Variants in ZNF484 observed in about 807,000 individuals in gnomAD.
ZNF484 encodes the protein zinc finger protein 484.
Under a neutral mutation model 12.9 loss-of-function variants are expected in ZNF484, and 11 were observed. That is an observed-to-expected ratio of 0.85 (90% CI 0.54 to 1.41). The LOEUF (loss-of-function observed/expected upper bound fraction) is 1.41, where lower values mean the gene tolerates loss of function less well. Ranked by LOEUF, ZNF484 falls within the 40% of genes most tolerant of loss-of-function variation. The pLI is 0.00. For missense variants in ZNF484, 807 were observed against 1,007.7 expected, an observed-to-expected ratio of 0.80 and a Z score of 2.70; for synonymous variants, 289 against 334.1, an observed-to-expected ratio of 0.86 and a Z score of 1.47.
At chr9:92,854,103 AAG>A (rs895914873) in intron 4 of ZNF484, among the ~76,000 whole-genome samples, 19 of 152,154 alleles carry the variant, frequency 1.2e-4, no homozygotes, top group African/African-American at 3.1e-4. Flanking sequence ...CCAGGAAAAA[AAG>A]AGAGAGAGAT....
At chr9:92,864,346 G>C (rs1856944644) in intron 2 of ZNF484, among the ~76,000 whole-genome samples, 1 of 151,998 alleles carries the variant, frequency 6.6e-6, no homozygotes, top group Admixed American at 6.6e-5. Context: ...TGCTGGCCTG[G>C]AACGCTGACT....
At position 92,846,830 on chromosome 9, in the gene ZNF484, TA is replaced by T; in HGVS notation, c.1956del (p.Phe652LeufsTer56). 6.2e-7 allele frequency: 1 copy of T among 1,614,068 alleles called. No homozygotes were observed. The highest frequency in any genetic ancestry group is 8.5e-7 in the Non-Finnish European group (1 of 1,180,004). ...TCTCCAGTGTGAATTTTCTGGTGTG[TA>T]AAGAGATTTGATCTGTCAGTAAAAG... Reference protein sequence around the residue: ...GKAFTDRSNLFTHQKIHTGEK... With the variant: ...GKAFTDRSNLXTHQKIHTGEK... On this transcript the variant is annotated frameshift_variant, in exon 5 of 5. Transcript: ENST00000375495. LOFTEE classifies it low-confidence loss of function (END_TRUNC).
chr9:92,855,490 A>C lies in ZNF484; in HGVS notation c.235+321T>G, dbSNP rs1434428126. ...GACCTTGATGGAGGTAGAAAGAATA[A>C]AACTTTTCTAGGGAAAGAGAGAAAA... On this transcript the variant is annotated intron_variant, in intron 4 of 4. Coordinates refer to ENST00000375495, the MANE Select transcript of ZNF484 (RefSeq NM_031486.4). Among the ~76,000 whole-genome samples, 3 of 152,206 alleles carry C rather than the reference A, an allele frequency of 2.0e-5. No homozygotes were observed. In the East Asian group the frequency reaches 5.8e-4, roughly 29 times the overall value.
At chr9:92,853,134 T>A (rs1856211186) in intron 4 of ZNF484, among the ~76,000 whole-genome samples, 1 of 152,062 alleles carries the variant, frequency 6.6e-6, no homozygotes, top group Admixed American at 6.6e-5. Context: ...GCATCTGAGA[T>A]GAAATAGTGA....
intron 2 of ZNF484, among the ~76,000 whole-genome samples, chr9:92,874,348 G>A (rs553175585): frequency 7.1e-4 from 98 of 137,544 alleles, no homozygotes; most frequent in African/African-American, 2.3e-3. Context: ...TTTCGCTCTT[G>A]TTGCCCAGGC....
In ZNF484 at chr9:92,847,102, A is replaced by G. The variant is rs1442173534; in HGVS notation, c.1685T>C (p.Ile562Thr). ...GTGCATACTTAATGTTGACTTCTGA[A>G]TGAATGCTTTCCCACATTCACTGCA... is the stretch of plus-strand genomic sequence containing the variant. ...YECSECGKAF[I>T]QKSTLSMHQR... is the part of the protein sequence containing the mutation. Residue 562 changes from isoleucine (I) to threonine (T), a missense_variant, in exon 5 of 5, where the codon ATT (isoleucine) becomes ACT (threonine). By Grantham distance (89) the Ile-to-Thr change is moderately conservative. Transcript: ENST00000375495. 4.3e-6 allele frequency: 7 copies of G among 1,612,798 alleles called. No homozygotes were observed. The highest frequency in any genetic ancestry group is 1.1e-5 in the South Asian group (1 of 91,008).
chr9:92,866,994 G>A (rs562150684), intron 2 of ZNF484, among the ~76,000 whole-genome samples: 17 of 152,154 alleles, frequency 1.1e-4, no homozygotes, highest in Non-Finnish European at 2.2e-4. Flanking sequence ...CCTATCAAGG[G>A]GTGGGGGGAT....
intron 4 of ZNF484, among the ~76,000 whole-genome samples, chr9:92,850,581 C>G (rs1362392995): frequency 6.6e-6 from 1 of 152,028 alleles, no homozygotes; most frequent in Non-Finnish European, 1.5e-5. Context: ...AACAATTGGT[C>G]TATTTTCTTT....
At position 92,848,763 on chromosome 9, in the gene ZNF484, C is replaced by T. The variant is rs922001562; in HGVS notation, c.236-212G>A. ...AAATATTGTCTCTACTAAAAATTAG[C>T]CAGGCGTGGTGGTACATGCCTGTAA... On this transcript the variant is annotated intron_variant, in intron 4 of 4. Coordinates refer to ENST00000375495, the MANE Select transcript of ZNF484 (RefSeq NM_031486.4). This position sits in a 1 kb window ranked among gnomAD's most constrained non-coding sequence, Gnocchi z 4.1. Among the ~76,000 whole-genome samples the T allele has an allele frequency of 6.6e-6, 1 of 151,614 alleles. No homozygotes were observed. The highest frequency in any genetic ancestry group is 1.5e-5 in the Non-Finnish European group (1 of 67,914).
At chr9:92,876,646 G>A (rs974458017) in intron 1 of ZNF484, among the ~76,000 whole-genome samples, 2 of 151,682 alleles carry the variant, frequency 1.3e-5, no homozygotes, top group Non-Finnish European at 2.9e-5. Flanking sequence ...CTTTTTGGTT[G>A]AAAAAAGGGA....
rs779536327 is a variant in ZNF484, at chr9:92,876,231, G to GA, written c.-30-1173dup. On this transcript the variant is annotated intron_variant, in intron 1 of 4. Transcript: ENST00000375495. ...GATAAAACATTCCTAATAATCTCAGGAAAAAAACAGAAAAAATGGGGTGCA... is the reference window on the plus strand; with the variant it reads ...GATAAAACATTCCTAATAATCTCAGGAAAAAAAACAGAAAAAATGGGGTGCA... Among the ~76,000 whole-genome samples, 9 of 151,738 alleles carry GA rather than the reference G, an allele frequency of 5.9e-5. No homozygotes were observed. In the South Asian group the frequency reaches 8.3e-4, roughly 14 times the overall value.
At chr9:92,853,044 A>G (rs967033030) in intron 4 of ZNF484, among the ~76,000 whole-genome samples, 11 of 152,254 alleles carry the variant, frequency 7.2e-5, no homozygotes, top group African/African-American at 2.7e-4. Context: ...GATATTAAGT[A>G]GTAACTTTAG....
chr9:92,847,206 G>A lies in ZNF484; in HGVS notation c.1581C>T (p.Ser527=), dbSNP rs765763272. The change falls in exon 5 of 5, where the codon AGC becomes AGT. Residue 527 remains serine, a synonymous_variant. Coordinates refer to ENST00000375495, the MANE Select transcript of ZNF484 (RefSeq NM_031486.4). Reference sequence around the variant, plus strand: ...TCCAGGTGAATGATTTTCCACAGTCGCTGCATTTATAAGGTTTCTCTCCAG... The same window carrying A: ...TCCAGGTGAATGATTTTCCACAGTCACTGCATTTATAAGGTTTCTCTCCAG... ...IHTGEKPYKC[S]DCGKSFTWKS... is the part of the protein sequence containing the mutation. 151 of 1,613,314 alleles carry A rather than the reference G, an allele frequency of 9.4e-5. 2 individuals are homozygous for A. In the Middle Eastern group the frequency reaches 1.2e-3, roughly 12 times the overall value.
chr9:92,873,030 C>A (rs777973228), intron 2 of ZNF484, among the ~76,000 whole-genome samples: 3 of 152,058 alleles, frequency 2.0e-5, no homozygotes, highest in Non-Finnish European at 4.4e-5. Flanking sequence ...TAGGCTGTAA[C>A]CCCTAATGTA....
chr9:92,849,588 C>A (rs1386644391), intron 4 of ZNF484, among the ~76,000 whole-genome samples: 1 of 152,012 alleles, frequency 6.6e-6, no homozygotes, highest in Admixed American at 6.6e-5. Context: ...GAGTTTGAGA[C>A]CAGCCTGGGA....
intron 1 of ZNF484, 138 bp from the exon 2 acceptor site, chr9:92,875,197 C>T: frequency 1.6e-6 from 1 of 637,362 alleles, no homozygotes; most frequent in Non-Finnish European, 2.7e-6. Context: ...AATATCATCC[C>T]ATCCCATATT....
chr9:92,869,164 T>C (rs1857283132), intron 2 of ZNF484, among the ~76,000 whole-genome samples: 1 of 152,054 alleles, frequency 6.6e-6, no homozygotes, highest in Admixed American at 6.6e-5. Context: ...TTAATGTTTA[T>C]ATTATATTAC....
chr9:92,865,593 C>A (rs941625736), intron 2 of ZNF484, among the ~76,000 whole-genome samples: 1 of 152,152 alleles, frequency 6.6e-6, no homozygotes, highest in African/African-American at 2.4e-5. Context: ...CTTTGCAAAG[C>A]TGTATGACAT....
intron 4 of ZNF484, among the ~76,000 whole-genome samples, chr9:92,854,835 A>C (rs755788639): frequency 6.6e-6 from 1 of 152,234 alleles, no homozygotes; most frequent in Non-Finnish European, 1.5e-5. Flanking sequence ...ATATATGTGC[A>C]CTACAGAATG....
Sources: gnomAD v4.1 joint callset for allele counts (sites outside exome capture counted in the v4.1 genomes callset) on GRCh38, gnomAD v4.1.1 for gene constraint, Gnocchi (gnomAD v3.1) non-coding constraint, MANE v1.5 for transcripts, NCBI Gene and HGNC (gene_info 2026-07-23, HGNC 2026-07-21) for gene names.